Variants in KDM6A observed in about 807,000 individuals in gnomAD.
KDM6A encodes the protein lysine demethylase 6A.
In KDM6A, 11 loss-of-function variants were observed where a neutral mutation model predicts 117.6. The observed-to-expected ratio is 0.09, with a 90% CI of 0.06 to 0.15. KDM6A has a LOEUF of 0.15. Ranked by LOEUF, KDM6A falls within the 10% of genes least tolerant of loss-of-function variation. The probability of loss-of-function intolerance (pLI) is 1.00; values close to 1 mark genes in which losing one functional copy is unlikely to be tolerated. For synonymous variants in KDM6A, 384 were observed against 396.1 expected (o/e 0.97, Z 0.36); for missense variants, 799 against 1,077.3 (o/e 0.74, Z 3.62).
At chrX:45,035,017 A>G (rs1231001642) in intron 7 of KDM6A, 32 bp downstream of exon 7, 7 of 1,004,216 alleles carry the variant, frequency 7.0e-6, no homozygotes, top group African/African-American at 1.9e-5. Context: ...AGTTTTCTAC[A>G]TGTATTCCGA....
chrX:45,049,693 TAC>T (rs886476579), intron 8 of KDM6A, among the ~76,000 whole-genome samples: 1 of 112,273 alleles, frequency 8.9e-6, no homozygotes, highest in Non-Finnish European at 1.9e-5. Flanking sequence ...TGTTTTAGGA[TAC>T]AGTCAGTAGT....
At chrX:45,105,369 C>G (rs1310084360) in intron 27 of KDM6A, among the ~76,000 whole-genome samples, 2 of 111,638 alleles carry the variant, frequency 1.8e-5, no homozygotes, top group South Asian at 3.8e-4. Flanking sequence ...TACATGGCCC[C>G]TGTCTGGTTC....
In KDM6A at chrX:44,880,159, C is replaced by T. The variant is rs1199386227; in HGVS notation, c.225+6172C>T. Among the ~76,000 whole-genome samples, 6 of 93,281 alleles carry T rather than the reference C, an allele frequency of 6.4e-5. No homozygotes were observed. The East Asian group carries it at 1.6e-3, about 24-fold the overall frequency. The allele number at this position is 93,281 out of a possible 115,157, so 81.0% of individuals were successfully genotyped here. On this transcript the variant is annotated intron_variant, in intron 2 of 29. Transcript: ENST00000611820. ...CTGCACTCCAGCCTGGGCGACAGAG[C>T]GAGACTTCATCTCAAAAAAAAAAAA... is the stretch of plus-strand genomic sequence containing the variant.
At chrX:44,912,340 C>T (rs912606041) in intron 2 of KDM6A, among the ~76,000 whole-genome samples, 1 of 111,050 alleles carries the variant, frequency 9.0e-6, no homozygotes, top group African/African-American at 3.3e-5. Context: ...CTGCCCACCT[C>T]GGCCTCCCAA....
intron 17 of KDM6A, among the ~76,000 whole-genome samples, chrX:45,064,373 G>A (rs1053346246): frequency 9.0e-6 from 1 of 111,430 alleles, no homozygotes; most frequent in Non-Finnish European, 1.9e-5. Flanking sequence ...GTTATGAAGA[G>A]GGGAGGGTGA....
intron 6 of KDM6A, among the ~76,000 whole-genome samples, chrX:45,021,381 C>T (rs1488124674): frequency 9.0e-6 from 1 of 111,368 alleles, no homozygotes; most frequent in Non-Finnish European, 1.9e-5. Flanking sequence ...CTTTCCTGCC[C>T]AACAGAGGAA....
chrX:45,013,445 T>G (rs1205386336), intron 5 of KDM6A, among the ~76,000 whole-genome samples: 1 of 111,962 alleles, frequency 8.9e-6, no homozygotes, highest in African/African-American at 3.2e-5. Context: ...AACATAAAAT[T>G]AGTAATGAGG....
chrX:45,062,848 C>G (rs2044361813), intron 16 of KDM6A, 100 bp downstream of exon 16: 2 of 547,349 alleles, frequency 3.7e-6, no homozygotes, highest in African/African-American at 4.6e-5. Context: ...TTTTTACTTT[C>G]TACTGGTATT....
chrX:44,920,589 T>C (rs756060260), intron 2 of KDM6A, among the ~76,000 whole-genome samples: 3 of 107,227 alleles, frequency 2.8e-5, no homozygotes, highest in Non-Finnish European at 3.9e-5. Flanking sequence ...CAGGCGCCCG[T>C]CACCACGCCT....
chrX:44,888,591 T>G (rs1402084335), intron 2 of KDM6A, among the ~76,000 whole-genome samples: 1 of 112,435 alleles, frequency 8.9e-6, no homozygotes, highest in Non-Finnish European at 1.9e-5. Flanking sequence ...GACCAGAAAC[T>G]GAATGAATGC....
At chrX:44,973,703 C>T (rs919763835) in intron 3 of KDM6A, among the ~76,000 whole-genome samples, 4 of 110,717 alleles carry the variant, frequency 3.6e-5, no homozygotes, top group Non-Finnish European at 5.7e-5. Context: ...CTTTTTGGGG[C>T]TCTATTATTG....
At chrX:44,941,039 TA>T (rs1392520967) in intron 2 of KDM6A, among the ~76,000 whole-genome samples, 3 of 105,865 alleles carry the variant, frequency 2.8e-5, no homozygotes, top group East Asian at 3.0e-4. Flanking sequence ...CTGTCTCAAA[TA>T]AAAAAAAAAT....
chrX:44,909,013 A>T (rs2034908979), intron 2 of KDM6A, among the ~76,000 whole-genome samples: 1 of 112,335 alleles, frequency 8.9e-6, no homozygotes, highest in Admixed American at 9.4e-5. Flanking sequence ...ATTATCACAT[A>T]GTAAACACAT....
chrX:45,068,963 T>A (rs941693189), intron 17 of KDM6A, among the ~76,000 whole-genome samples: 8 of 110,543 alleles, frequency 7.2e-5, no homozygotes, highest in African/African-American at 2.6e-4. Context: ...TCCAGAGTGC[T>A]GGGATTACAG....
intron 2 of KDM6A, among the ~76,000 whole-genome samples, chrX:44,910,263 T>C (rs2035002041): frequency 1.8e-5 from 2 of 111,938 alleles, no homozygotes; most frequent in African/African-American, 6.5e-5. Flanking sequence ...CTTGGTTCAC[T>C]GCAACCTGCG....
chrX:44,925,610 T>G (rs2036254827), intron 2 of KDM6A, among the ~76,000 whole-genome samples: 1 of 112,024 alleles, frequency 8.9e-6, no homozygotes, highest in Non-Finnish European at 1.9e-5. Context: ...ATGTCCTATT[T>G]GCTTAAATTT....
intron 2 of KDM6A, among the ~76,000 whole-genome samples, chrX:44,895,813 C>G (rs1454869629): frequency 1.9e-5 from 2 of 106,728 alleles, no homozygotes; most frequent in Non-Finnish European, 3.8e-5. Context: ...TTATTACTTG[C>G]ATTTTTTGTG....
rs112725812 is a variant in KDM6A, at chrX:45,063,737, C to G, written c.1999C>G (p.Leu667Val). 1,635 of 1,205,284 alleles carry G rather than the reference C, an allele frequency of 1.4e-3. 13 individuals carry two copies. The African/African-American group carries it at 0.024, about 18-fold the overall frequency. The change falls in exon 17 of 30, where the codon CTC becomes GTC. Residue 667 changes from leucine (L) to valine (V), a missense_variant. Transcript: ENST00000611820. ...GNVPYLQRNA[L>V]TLPHNRTNLT... is the part of the protein sequence containing the mutation. ...CGTGCCTTACCTGCAGCGAAACGCA[C>G]TCACTCTACCTCATAACCGCACAAA...
At position 44,926,447 on chromosome X, in the gene KDM6A, GA is replaced by G. The variant is rs1295644761; in HGVS notation, c.226-34836del. ...GGGTTACTTACCTAAGCAGATTCAA[GA>G]GTTCATATATTTAGTAAGCCTACTG... On this transcript the variant is annotated intron_variant, in intron 2 of 29. Transcript: ENST00000611820. Among the ~76,000 whole-genome samples, 6 of 111,300 alleles carry G rather than the reference GA, an allele frequency of 5.4e-5. No homozygotes were observed. In the East Asian group the frequency reaches 8.4e-4, roughly 16 times the overall value.
Sources: gnomAD v4.1 joint callset for allele counts (sites outside exome capture counted in the v4.1 genomes callset) on GRCh38, gnomAD v4.1.1 for gene constraint, MANE v1.5 for transcripts, NCBI Gene and HGNC (gene_info 2026-07-23, HGNC 2026-07-21) for gene names.